Variants in CAMK2D observed in about 807,000 individuals in gnomAD.
CAMK2D encodes the protein calcium/calmodulin dependent protein kinase II delta.
CAMK2D carries 37 observed loss-of-function variants against 84.0 expected under a neutral mutation model. That is an observed-to-expected ratio of 0.44 (90% CI 0.34 to 0.58). CAMK2D has a LOEUF of 0.58. Ranked by LOEUF, CAMK2D falls within the 20% of genes least tolerant of loss-of-function variation. The probability of loss-of-function intolerance (pLI) is 0.02; values close to 1 mark genes in which losing one functional copy is unlikely to be tolerated. For missense variants in CAMK2D, 448 were observed against 652.5 expected (o/e 0.69, Z 3.41); for synonymous variants, 202 against 212.5 (o/e 0.95, Z 0.43).
intron 2 of CAMK2D, among the ~76,000 whole-genome samples, chr4:113,690,454 C>G (rs112909980): frequency 5.9e-5 from 9 of 152,172 alleles, no homozygotes; most frequent in East Asian, 1.9e-4. Flanking sequence ...AAAGGTCCCC[C>G]TGAGCAGATG....
chr4:113,543,786 TTATTTA>T (rs973161165), intron 6 of CAMK2D, among the ~76,000 whole-genome samples: 1 of 151,322 alleles, frequency 6.6e-6, no homozygotes, highest in African/African-American at 2.4e-5. Context: ...ATTTATTTAT[TTATTTA>T]TTTATTTATT....
chr4:113,737,471 C>T (rs1272493439), intron 2 of CAMK2D, among the ~76,000 whole-genome samples: 2 of 151,938 alleles, frequency 1.3e-5, no homozygotes, highest in Non-Finnish European at 2.9e-5. Context: ...AGGGTAGTTG[C>T]CAGGGACTCG....
chr4:113,667,801 C>A (rs370390522), intron 2 of CAMK2D, among the ~76,000 whole-genome samples: 1 of 152,098 alleles, frequency 6.6e-6, no homozygotes, highest in Non-Finnish European at 1.5e-5. Context: ...ACTATTTGAC[C>A]TAGAATCTTT....
At chr4:113,570,232 T>G (rs1253051600) in intron 4 of CAMK2D, among the ~76,000 whole-genome samples, 1 of 152,186 alleles carries the variant, frequency 6.6e-6, no homozygotes, top group Non-Finnish European at 1.5e-5. Context: ...ATGCAATCCC[T>G]ACCAAAATTC....
intron 2 of CAMK2D, among the ~76,000 whole-genome samples, chr4:113,701,273 G>T (rs990263056): frequency 1.3e-5 from 2 of 152,072 alleles, no homozygotes; most frequent in Non-Finnish European, 2.9e-5. Context: ...ACCTCCAAAA[G>T]AATTTTTTAT....
intron 2 of CAMK2D, among the ~76,000 whole-genome samples, chr4:113,681,685 CTGAGT>C (rs1310755686): frequency 6.6e-6 from 1 of 152,090 alleles, no homozygotes; most frequent in East Asian, 1.9e-4. Flanking sequence ...AAATTTTATG[CTGAGT>C]TAATTCCATG....
chr4:113,713,306 G>C (rs1032863499), intron 2 of CAMK2D, among the ~76,000 whole-genome samples: 4 of 151,370 alleles, frequency 2.6e-5, no homozygotes, highest in Non-Finnish European at 4.4e-5. Context: ...ATTATCAAAT[G>C]GTTTTCAAAG....
In CAMK2D at chr4:113,632,802, G is replaced by A. The variant is rs2099095368; in HGVS notation, c.221-23596C>T. 2.6e-5 allele frequency among the ~76,000 whole-genome samples: 4 copies of A among 152,146 alleles called. No individual in the cohort carries two copies. The South Asian group carries it at 8.3e-4, about 32-fold the overall frequency. On this transcript the variant is annotated intron_variant, in intron 3 of 20. Transcript: ENST00000511664. ...TGACAGGTGCTTTCAGGGAGAAACAGAACAGAATGTGAGGAGTTTCAGATC... is the reference window on the plus strand; with the variant it reads ...TGACAGGTGCTTTCAGGGAGAAACAAAACAGAATGTGAGGAGTTTCAGATC...
At chr4:113,526,905 CTTTTTT>C (rs34934229) in intron 8 of CAMK2D, among the ~76,000 whole-genome samples, 3 of 137,056 alleles carry the variant, frequency 2.2e-5, no homozygotes, top group South Asian at 4.8e-4. Context: ...TTTTACTGTG[CTTTTTT>C]TTTTTTTTTT....
chr4:113,743,165 T>G (rs1485941692), intron 2 of CAMK2D, among the ~76,000 whole-genome samples: 1 of 152,228 alleles, frequency 6.6e-6, no homozygotes, highest in Non-Finnish European at 1.5e-5. Flanking sequence ...CTCATCTCTC[T>G]GCTAGATGCA....
chr4:113,732,977 G>A (rs1374561821), intron 2 of CAMK2D, among the ~76,000 whole-genome samples: 2 of 151,866 alleles, frequency 1.3e-5, no homozygotes, highest in African/African-American at 2.4e-5. Context: ...ATAAACACAG[G>A]GTAAAAATTA....
intron 2 of CAMK2D, among the ~76,000 whole-genome samples, chr4:113,708,457 A>C (rs2099471162): frequency 1.3e-5 from 2 of 152,218 alleles, no homozygotes; most frequent in South Asian, 4.1e-4. Flanking sequence ...GCCAGAGTTC[A>C]TGTCCTTTAG....
chr4:113,454,305 A>G lies in CAMK2D; in HGVS notation c.*240T>C, dbSNP rs112087287. The stretch of plus-strand genomic sequence containing the variant: ...CTATTGTTTTGCCAACAGTAATTTA[A>G]GTTTGTGTGGAACATCCCCGTAGTT... On this transcript the variant is annotated 3_prime_UTR_variant, in exon 21 of 21. Transcript: ENST00000511664. 10,019 of 385,700 alleles carry G rather than the reference A, an allele frequency of 0.026. 202 individuals are homozygous for G. The highest frequency in any genetic ancestry group is 0.073 in the Middle Eastern group (111 of 1,528). 23.9% of individuals were successfully genotyped at this position (385,700 alleles called of 1,614,324 possible).
intron 2 of CAMK2D, among the ~76,000 whole-genome samples, chr4:113,667,807 T>A (rs1199370113): frequency 1.3e-5 from 2 of 152,198 alleles, no homozygotes; most frequent in East Asian, 3.8e-4. Context: ...TGACCTAGAA[T>A]CTTTCTGACA....
intron 2 of CAMK2D, among the ~76,000 whole-genome samples, chr4:113,734,245 G>T (rs1044198962): frequency 2.0e-5 from 3 of 152,122 alleles, no homozygotes; most frequent in Non-Finnish European, 4.4e-5. Context: ...CAAGAGATTA[G>T]TTCAGTTGTT....
At chr4:113,554,137 T>C (rs1168630161) in intron 4 of CAMK2D, among the ~76,000 whole-genome samples, 1 of 152,132 alleles carries the variant, frequency 6.6e-6, no homozygotes, top group East Asian at 1.9e-4. Flanking sequence ...AAATACCAGA[T>C]CCTGGATCAC....
At chr4:113,647,765 T>C (rs2099157606) in intron 3 of CAMK2D, among the ~76,000 whole-genome samples, 1 of 152,226 alleles carries the variant, frequency 6.6e-6, no homozygotes, top group Admixed American at 6.5e-5. Flanking sequence ...CCATCTCTTT[T>C]CTCTCATCCA....
At chr4:113,679,468 C>T in intron 2 of CAMK2D, 1 of 974,934 alleles carries the variant, frequency 1.0e-6, no homozygotes, top group Middle Eastern at 5.3e-4. Flanking sequence ...ATTCCAGCCA[C>T]ATATTCTCCA....
At chr4:113,538,685 T>C (rs764869124) in intron 6 of CAMK2D, among the ~76,000 whole-genome samples, 2 of 152,232 alleles carry the variant, frequency 1.3e-5, no homozygotes, top group Non-Finnish European at 2.9e-5. Context: ...ATTCTGTTGG[T>C]AGTTTTGACC....
Sources: gnomAD v4.1 joint callset for allele counts (sites outside exome capture counted in the v4.1 genomes callset) on GRCh38, gnomAD v4.1.1 for gene constraint, MANE v1.5 for transcripts, NCBI Gene and HGNC (gene_info 2026-07-23, HGNC 2026-07-21) for gene names.